The following FAAP20 variants were observed in gnomAD, a reference collection of about 807,000 sequenced individuals.
The protein encoded by FAAP20 is Fanconi anemia core complex-associated protein 20.
FAAP20 carries 12 observed loss-of-function variants against 16.2 expected under a neutral mutation model. The observed-to-expected ratio is 0.74, with a 90% CI of 0.48 to 1.20. The LOEUF is 1.20. Among genes scored for constraint, FAAP20 ranks in the 50% most tolerant of loss-of-function variants. FAAP20 has a pLI of 0.00. For synonymous variants in FAAP20, 141 were observed against 110.7 expected, an observed-to-expected ratio of 1.27 and a Z score of -1.72; for missense variants, 288 against 245.8, an observed-to-expected ratio of 1.17 and a Z score of -1.15.
intron 3 of FAAP20, chr1:2,192,365 C>T (rs1046862260): frequency 2.0e-6 from 2 of 994,734 alleles, no homozygotes; most frequent in African/African-American, 3.5e-5. Flanking sequence ...CTGGACCTGA[C>T]TTCATTGACG....
At chr1:2,194,814 C>T (rs954395548), upstream of FAAP20, 2 of 1,087,060 alleles carry the variant, frequency 1.8e-6, no homozygotes, top group Non-Finnish European at 2.2e-6. Flanking sequence ...CCCGCCCCCG[C>T]CCCGGCCCCG....
upstream of FAAP20, chr1:2,194,915 G>A (rs980201910): frequency 4.8e-6 from 3 of 623,418 alleles, no homozygotes; most frequent in African/African-American, 2.0e-5. Flanking sequence ...CTGAGGCCAG[G>A]GTTCCTTCGT....
chr1:2,196,640 G>T (rs1688838251), upstream of FAAP20, among the ~76,000 whole-genome samples: 1 of 151,778 alleles, frequency 6.6e-6, no homozygotes, highest in South Asian at 2.1e-4. The surrounding 1 kb of genome is among the most constrained non-coding windows in gnomAD (Gnocchi z 4.5). Context: ...AGGAGTTTGA[G>T]ACCAGCCTGG....
At chr1:2,199,764 G>C (rs1303213419), upstream of FAAP20, 8 of 464,984 alleles carry the variant, frequency 1.7e-5, no homozygotes, top group Non-Finnish European at 2.0e-5. The surrounding 1 kb of genome is among the most constrained non-coding windows in gnomAD (Gnocchi z 4.5). Flanking sequence ...TGAATGCAGT[G>C]TGAGCAGTGT....
chr1:2,190,048 T>C (rs1425999021), intron 3 of FAAP20: 1 of 596,288 alleles, frequency 1.7e-6, no homozygotes, highest in Admixed American at 2.3e-5. Context: ...AACAAGCCTC[T>C]CTATGGGATT....
chr1:2,207,987 AGCCTGTGTGT>A (rs2100764356), downstream of FAAP20, among the ~76,000 whole-genome samples: 1 of 150,468 alleles, frequency 6.6e-6, no homozygotes. Flanking sequence ...CAGGCATGTG[AGCCTGTGTGT>A]GCCCGCGTGC....
chr1:2,190,173 C>T (rs1471033853), intron 3 of FAAP20: 1 of 480,484 alleles, frequency 2.1e-6, no homozygotes. Flanking sequence ...GCCGCGGCTG[C>T]GTCTACAGGA....
chr1:2,194,819 G>A, upstream of FAAP20: 2 of 909,718 alleles, frequency 2.2e-6, no homozygotes, highest in Non-Finnish European at 2.6e-6. Flanking sequence ...CCCCGCCCCG[G>A]CCCCGCCTCC....
rs756421796 is a variant in FAAP20, at chr1:2,189,787, A to T, written c.471-6T>A. 6.2e-7 allele frequency: 1 copy of T among 1,609,750 alleles called. No individual in the cohort carries two copies. On this transcript the variant is annotated splice_region_variant and splice_polypyrimidine_tract_variant and intron_variant, in intron 3 of 3. Transcript: ENST00000378546. ...CAACATCCAGCTGGGTCAGCCTGCA[A>T]GGGAGGGGCCACACTCACTCGGCCA... is the stretch of plus-strand genomic sequence containing the variant.
chr1:2,194,796 C>CA, upstream of FAAP20: 1 of 1,064,892 alleles, frequency 9.4e-7, no homozygotes. Context: ...GCCCCCGCCC[C>CA]TCCAGGCCCC....
At chr1:2,198,283 G>T (rs1000121336), upstream of FAAP20, 10 of 850,244 alleles carry the variant, frequency 1.2e-5, no homozygotes, top group African/African-American at 1.8e-4. Context: ...GTGATCGAGT[G>T]GGTGGGGGCA....
chr1:2,186,496 G>GCCC (rs59105760), downstream of FAAP20, among the ~76,000 whole-genome samples: 97 of 111,678 alleles, frequency 8.7e-4, 2 homozygotes, highest in African/African-American at 2.5e-3. Context: ...CTGGACACCC[G>GCCC]CCCCCCCCCG....
chr1:2,201,266 C>T (rs986745043), upstream of FAAP20: 19 of 1,167,446 alleles, frequency 1.6e-5, no homozygotes, highest in East Asian at 3.8e-4. Context: ...CTGGGCCCTG[C>T]GCATCCTCCA....
At chr1:2,210,743 G>A (rs1230212646), downstream of FAAP20, among the ~76,000 whole-genome samples, 1 of 152,310 alleles carries the variant, frequency 6.6e-6, no homozygotes, top group South Asian at 2.1e-4. Flanking sequence ...TCTCCTGGAG[G>A]GTGACCCTGG....
chr1:2,199,067 C>T (rs1318777327), upstream of FAAP20: 2 of 1,220,050 alleles, frequency 1.6e-6, no homozygotes, highest in Non-Finnish European at 2.1e-6. This position sits in a 1 kb window ranked among gnomAD's most constrained non-coding sequence, Gnocchi z 4.5. Flanking sequence ...GGGGTCATGG[C>T]ACAGGCCTGC....
At chr1:2,205,153 T>C (rs972058144) in intron 3 of FAAP20, among the ~76,000 whole-genome samples, 2 of 5,658 alleles carry the variant, frequency 3.5e-4, no homozygotes, top group African/African-American at 8.6e-4. Flanking sequence ...TCCCCGCCCC[T>C]CCCCCGGGCT....
chr1:2,196,011 G>C (rs1688806102), upstream of FAAP20, among the ~76,000 whole-genome samples: 1 of 152,190 alleles, frequency 6.6e-6, no homozygotes, highest in African/African-American at 2.4e-5. This position sits in a 1 kb window ranked among gnomAD's most constrained non-coding sequence, Gnocchi z 4.5. Context: ...GTCTCAGGGG[G>C]CCCTGTGGGA....
upstream of FAAP20, among the ~76,000 whole-genome samples, chr1:2,195,918 C>T (rs1241992221): frequency 6.6e-6 from 1 of 152,230 alleles, no homozygotes; most frequent in Non-Finnish European, 1.5e-5. Context: ...GGCCCTTCGA[C>T]TTGAGTGAGC....
At chr1:2,209,610 C>T (rs1268680849), downstream of FAAP20, among the ~76,000 whole-genome samples, 1 of 152,252 alleles carries the variant, frequency 6.6e-6, no homozygotes, top group Non-Finnish European at 1.5e-5. Flanking sequence ...CCAGGGGCCT[C>T]CCGTGGGGCT....
Sources: allele counts gnomAD v4.1 joint callset (sites outside exome capture counted in the v4.1 genomes callset), GRCh38; gene constraint gnomAD v4.1.1; non-coding constraint Gnocchi (gnomAD v3.1); transcripts MANE v1.5; gene names NCBI Gene and HGNC (gene_info 2026-07-23, HGNC 2026-07-21).